The following PSMB9 variants were observed in gnomAD, a reference collection of about 807,000 sequenced individuals.
The protein encoded by PSMB9 is proteasome subunit beta type-9.
A neutral mutation model predicts 26.9 loss-of-function variants in PSMB9; 16 were observed. That is an observed-to-expected ratio of 0.59 (90% CI 0.40 to 0.90). PSMB9 has a LOEUF of 0.90. Among genes scored for constraint, PSMB9 ranks in the 40% least tolerant of loss-of-function variants. The pLI, the probability that PSMB9 is intolerant of heterozygous loss-of-function variation, is 0.00. For missense variants in PSMB9, 253 were observed against 292.2 expected, an observed-to-expected ratio of 0.87 and a Z score of 0.98; for synonymous variants, 91 against 112.0, an observed-to-expected ratio of 0.81 and a Z score of 1.18.
In PSMB9 at chr6:32,859,398, T is replaced by A; in HGVS notation, c.533-7T>A. On this transcript the variant is annotated splice_polypyrimidine_tract_variant and splice_region_variant and intron_variant, in intron 5 of 5. Coordinates refer to ENST00000374859, the MANE Select transcript of PSMB9 (RefSeq NM_002800.5). ...TCTCCCTCTCTCCAACTTGAAACCC[T>A]CTGCAGCTATTGCTCTGGCCATGAG... The A allele has an allele frequency of 6.2e-7, 1 of 1,609,366 alleles. No individual in the cohort carries two copies. The highest frequency in any genetic ancestry group is 1.1e-5 in the South Asian group (1 of 90,110).
Position 32,858,601 on chromosome 6 carries a change from T to C in PSMB9, c.532+96T>C. The C allele has an allele frequency of 6.6e-7, 1 of 1,517,904 alleles. No homozygotes were observed. Among genetic ancestry groups the C allele is most frequent in the Non-Finnish European group, 9.1e-7 (1 of 1,104,204 alleles). The allele number at this position is 1,517,904 out of a possible 1,614,324, so 94.0% of individuals were successfully genotyped here. A position where few individuals can be genotyped will look rare whatever the true frequency, so the allele number is the denominator to read the frequency against. ...AGGAAGAGAAATACAGGGGTGGCCATTTAAGTTAATGCCGGGCCTGGTACA... is the reference window on the plus strand; with the variant it reads ...AGGAAGAGAAATACAGGGGTGGCCACTTAAGTTAATGCCGGGCCTGGTACA... On this transcript the variant is annotated intron_variant, in intron 5 of 5. Coordinates refer to ENST00000374859, the MANE Select transcript of PSMB9 (RefSeq NM_002800.5). This position sits in a 1 kb window ranked among gnomAD's most constrained non-coding sequence, Gnocchi z 5.2.
In PSMB9 at chr6:32,854,993, C is replaced by G. The variant is rs1331151489; in HGVS notation, c.60+704C>G. Among the ~76,000 whole-genome samples, 1 of 152,218 alleles carries G rather than the reference C, an allele frequency of 6.6e-6. No homozygotes were observed. The highest frequency in any genetic ancestry group is 1.5e-5 in the Non-Finnish European group (1 of 68,046). On this transcript the variant is annotated intron_variant, in intron 1 of 5. Transcript: ENST00000374859. The surrounding 1 kb of genome is among the most constrained non-coding windows in gnomAD (Gnocchi z 4.6). Reference sequence around the variant, plus strand: ...CTTCTGCTCTGGACTACTGCCACCACTCGTGGCTTGGGGGCGGCTTTGTTA... The same window carrying G: ...CTTCTGCTCTGGACTACTGCCACCAGTCGTGGCTTGGGGGCGGCTTTGTTA...
chr6:32,858,737 G>A lies in PSMB9; in HGVS notation c.532+232G>A, dbSNP rs1771288130. 2 of 608,056 alleles carry A rather than the reference G, an allele frequency of 3.3e-6. No homozygotes were observed. Among genetic ancestry groups the A allele is most frequent in the Non-Finnish European group, 5.8e-6 (2 of 343,090 alleles). The allele number at this position is 608,056 out of a possible 1,614,324, so 37.7% of individuals were successfully genotyped here. ...AATCAAATGAGGATACACAGTCACTGTGAGAACCAGTGGTGTGCTAAGCAC... is the reference window on the plus strand; with the variant it reads ...AATCAAATGAGGATACACAGTCACTATGAGAACCAGTGGTGTGCTAAGCAC... On this transcript the variant is annotated intron_variant, in intron 5 of 5. Coordinates refer to ENST00000374859, the MANE Select transcript of PSMB9 (RefSeq NM_002800.5). The surrounding 1 kb of genome is among the most constrained non-coding windows in gnomAD (Gnocchi z 5.2).
chr6:32,859,033 CAG>C, intron 5 of PSMB9: 1 of 182,650 alleles, frequency 5.5e-6, no homozygotes, highest in South Asian at 1.1e-4. Context: ...GCCTAGGTGA[CAG>C]AGAGAGACCC....
chr6:32,854,314 G>C lies in PSMB9; in HGVS notation c.60+25G>C. 15 of 1,462,154 alleles carry C rather than the reference G, an allele frequency of 1.0e-5. No individual in the cohort carries two copies. Among genetic ancestry groups the C allele is most frequent in the Non-Finnish European group, 1.4e-5 (15 of 1,108,364 alleles). 90.6% of individuals were successfully genotyped at this position (1,462,154 alleles called of 1,614,324 possible). On this transcript the variant is annotated intron_variant, in intron 1 of 5. Coordinates refer to ENST00000374859, the MANE Select transcript of PSMB9 (RefSeq NM_002800.5). This position sits in a 1 kb window ranked among gnomAD's most constrained non-coding sequence, Gnocchi z 4.6. The stretch of plus-strand genomic sequence containing the variant: ...GGTAATGGGTCTGGGCTTGAGGGTT[G>C]GCAGAGGGGTGGAGGAGATGCAGCG...
intron 1 of PSMB9, 127 bp from the exon 2 acceptor site, chr6:32,856,011 G>C: frequency 1.3e-6 from 1 of 772,904 alleles, no homozygotes; most frequent in East Asian, 2.7e-5. Context: ...CTGACAGTCA[G>C]CTCTGGCCTG....
At position 32,857,335 on chromosome 6, in the gene PSMB9, T is replaced by C; in HGVS notation, c.201T>C (p.Gly67=). Reference sequence around the variant, plus strand: ...AGCGCATCTACTGTGCACTCTCTGGTTCAGCTGCTGATGCCCAAGCCGTGG... The same window carrying C: ...AGCGCATCTACTGTGCACTCTCTGGCTCAGCTGCTGATGCCCAAGCCGTGG... ...LHERIYCALS[G]SAADAQAVAD... Residue 67 remains glycine (G), a synonymous_variant, in exon 3 of 6, where the codon GGT becomes GGC. Transcript: ENST00000374859. The C allele has an allele frequency of 6.2e-7, 1 of 1,612,896 alleles. No individual in the cohort carries two copies. Among genetic ancestry groups the C allele is most frequent in the South Asian group, 1.1e-5 (1 of 91,080 alleles).
rs1771249272 is a variant in PSMB9, at chr6:32,858,062, C to G, written c.318C>G (p.Ile106Met). 1 of 1,613,102 alleles carries G rather than the reference C, an allele frequency of 6.2e-7. No individual in the cohort carries two copies. The highest frequency in any genetic ancestry group is 8.5e-7 in the Non-Finnish European group (1 of 1,180,040). Residue 106 changes from isoleucine to methionine, a missense_variant, in exon 4 of 6, where the codon ATC (isoleucine) becomes ATG (methionine). By Grantham distance (10) the Ile-to-Met change is conservative. Transcript: ENST00000374859. The surrounding 1 kb of genome is among the most constrained non-coding windows in gnomAD (Gnocchi z 5.2). ...CTGCTGCAAATGTGGTGAGAAATAT[C>G]AGCTATAAATATCGAGAGGACTTGT... The part of the protein sequence containing the change: ...VLAAANVVRN[I>M]SYKYREDLSA...
At chr6:32,855,413 T>C (rs1000072525) in intron 1 of PSMB9, among the ~76,000 whole-genome samples, 1 of 152,184 alleles carries the variant, frequency 6.6e-6, no homozygotes, top group African/African-American at 2.4e-5. Context: ...TCTTCTTGAT[T>C]CTTTTCTTGA....
rs368842666 is a variant in PSMB9, at chr6:32,856,573, T to G, written c.128+368T>G. On this transcript the variant is annotated intron_variant, in intron 2 of 5. Transcript: ENST00000374859. ...TCTCATTTACCATATATTGAACTAT[T>G]TTGTCTCTTCTCCCACTCCTAACCA... 37 of 202,188 alleles carry G rather than the reference T, an allele frequency of 1.8e-4. 1 individual carries two copies. In the South Asian group the frequency reaches 4.5e-3, roughly 24 times the overall value. The allele number at this position is 202,188 out of a possible 1,614,324, so 12.5% of individuals were successfully genotyped here.
Position 32,857,369 on chromosome 6 carries a change from G to C in PSMB9, c.235G>C (p.Ala79Pro). The C allele has an allele frequency of 6.2e-7, 1 of 1,612,538 alleles. No homozygotes were observed. Residue 79 changes from alanine to proline, a missense_variant, in exon 3 of 6, where the codon GCC (alanine) becomes CCC (proline). Ala to Pro is a conservative substitution (Grantham distance 27, BLOSUM62 -1). Transcript: ENST00000374859. Reference protein sequence around the residue: ...AADAQAVADMAAYQLELHGIE... With the variant: ...AADAQAVADMPAYQLELHGIE... ...TGATGCCCAAGCCGTGGCCGACATG[G>C]CCGCCTACCAGCTGGAGCTCCATGG... is the stretch of plus-strand genomic sequence containing the variant.
At chr6:32,856,083 A>T (rs1771146870) in intron 1 of PSMB9, 55 bp from the exon 2 acceptor site, 2 of 1,493,568 alleles carry the variant, frequency 1.3e-6, no homozygotes, top group East Asian at 2.3e-5. Context: ...CTTCTCTAAC[A>T]TGAGGGCATC....
Position 32,858,321 on chromosome 6 carries a change from G to A in PSMB9, c.391-43G>A. The A allele has an allele frequency of 1.2e-6, 2 of 1,612,404 alleles. No individual in the cohort carries two copies. The highest frequency in any genetic ancestry group is 1.7e-6 in the Non-Finnish European group (2 of 1,179,702). Reference sequence around the variant, plus strand: ...AGACCACTTAATGTCTCAGTGGGAAGGAAGGGCTTGATGATTCTTTAACCT... The same window carrying A: ...AGACCACTTAATGTCTCAGTGGGAAAGAAGGGCTTGATGATTCTTTAACCT... On this transcript the variant is annotated intron_variant, in intron 4 of 5. Transcript: ENST00000374859. The surrounding 1 kb of genome is among the most constrained non-coding windows in gnomAD (Gnocchi z 5.2).
intron 2 of PSMB9, 59 bp from the exon 3 acceptor site, chr6:32,857,198 CAAAAAA>C (rs9282318): frequency 5.5e-4 from 576 of 1,051,442 alleles, no homozygotes; most frequent in Middle Eastern, 1.3e-3. Context: ...GAGACTGTCT[CAAAAAA>C]AAAAAAAAAA....
chr6:32,857,583 C>T (rs966343423), intron 3 of PSMB9, 189 bp downstream of exon 3: 43 of 638,782 alleles, frequency 6.7e-5, no homozygotes, highest in African/African-American at 2.0e-4. Flanking sequence ...CCTCATGAGA[C>T]GGTTATTTTG....
At chr6:32,855,578 C>G (rs973642055) in intron 1 of PSMB9, among the ~76,000 whole-genome samples, 8 of 152,170 alleles carry the variant, frequency 5.3e-5, no homozygotes, top group African/African-American at 1.9e-4. Flanking sequence ...CTGCTTCTCT[C>G]CTGCCTTGCC....
intron 5 of PSMB9, 28 bp from the exon 6 acceptor site, chr6:32,859,369 TCTCTCTCC>T (rs779067260): frequency 6.4e-7 from 1 of 1,569,582 alleles, no homozygotes; most frequent in Non-Finnish European, 8.7e-7. Flanking sequence ...TAAGCCATCC[TCTCTCTCC>T]CTCTCTCCAA....
Position 32,857,400 on chromosome 6 carries a change from A to C in PSMB9, c.260+6A>C. 1 of 1,611,476 alleles carries C rather than the reference A, an allele frequency of 6.2e-7. No individual in the cohort carries two copies. The highest frequency in any genetic ancestry group is 1.1e-5 in the South Asian group (1 of 91,002). ...TACCAGCTGGAGCTCCATGGGTATG[A>C]AGCTCTGGAGTTCTGACTCCCCACC... On this transcript the variant is annotated splice_donor_region_variant and intron_variant, in intron 3 of 5. Transcript: ENST00000374859.
rs1771198334 is a variant in PSMB9 at position 32,857,200 on chromosome 6, A to G, written c.129-63A>G. On this transcript the variant is annotated intron_variant, in intron 2 of 5. Transcript: ENST00000374859. ...TGGGTGACAGAGTGAGACTGTCTCA[A>G]AAAAAAAAAAAAAAAAAAAAACCTG... The G allele has an allele frequency of 1.7e-5, 7 of 418,138 alleles. No homozygotes were observed. In the South Asian group the frequency reaches 4.6e-4, roughly 28 times the overall value. The allele number at this position is 418,138 out of a possible 1,614,324, so 25.9% of individuals were successfully genotyped here.
Sources: allele counts gnomAD v4.1 joint callset (sites outside exome capture counted in the v4.1 genomes callset), GRCh38; gene constraint gnomAD v4.1.1; non-coding constraint Gnocchi (gnomAD v3.1); transcripts MANE v1.5; gene names NCBI Gene and HGNC (gene_info 2026-07-23, HGNC 2026-07-21).